The following SGMS2 variants were observed in gnomAD, a reference collection of about 807,000 sequenced individuals.
The protein encoded by SGMS2 is sphingomyelin synthase 2.
A neutral mutation model predicts 43.8 loss-of-function variants in SGMS2; 21 were observed. The ratio of observed to expected loss-of-function variants is 0.48; its 90% CI spans 0.34 to 0.69. SGMS2 has a LOEUF of 0.69. Ranked by LOEUF, SGMS2 falls within the 30% of genes least tolerant of loss-of-function variation. SGMS2 has a pLI of 0.01. For synonymous variants in SGMS2, 167 were observed against 160.6 expected, an observed-to-expected ratio of 1.04 and a Z score of -0.30; for missense variants, 384 against 443.2, an observed-to-expected ratio of 0.87 and a Z score of 1.20.
intron 2 of SGMS2, among the ~76,000 whole-genome samples, chr4:107,860,431 A>G (rs1727659550): frequency 6.6e-6 from 1 of 152,170 alleles, no homozygotes. Flanking sequence ...TGTAGACAAT[A>G]TATCTATATA....
At chr4:107,875,741 ATTGT>A (rs1294814058) in intron 2 of SGMS2, among the ~76,000 whole-genome samples, 3 of 152,224 alleles carry the variant, frequency 2.0e-5, no homozygotes, top group Non-Finnish European at 4.4e-5. Flanking sequence ...AATGGTCTAC[ATTGT>A]TTATTACTTC....
intron 5 of SGMS2, 72 bp from the exon 6 acceptor site, chr4:107,908,493 G>A (rs534849113): frequency 2.0e-5 from 29 of 1,463,730 alleles, no homozygotes; most frequent in South Asian, 7.6e-5. Flanking sequence ...ACTTAAGGTC[G>A]TTAGGACAGA....
chr4:107,891,639 A>G (rs750171955), intron 2 of SGMS2, among the ~76,000 whole-genome samples: 17 of 152,140 alleles, frequency 1.1e-4, no homozygotes, highest in Non-Finnish European at 1.9e-4. Flanking sequence ...AGGGGTCCCA[A>G]ATGGGTTTCT....
chr4:107,838,501 T>G (rs1461450754), intron 1 of SGMS2, among the ~76,000 whole-genome samples: 1 of 152,188 alleles, frequency 6.6e-6, no homozygotes, highest in African/African-American at 2.4e-5. Context: ...TACAGGAAGT[T>G]ACAAAGATGA....
chr4:107,864,979 C>T (rs1204769407), intron 2 of SGMS2, among the ~76,000 whole-genome samples: 1 of 152,106 alleles, frequency 6.6e-6, no homozygotes, highest in East Asian at 1.9e-4. Flanking sequence ...CTCTATCTTT[C>T]ATCAGGTATC....
rs374321993 is a variant in SGMS2 at position 107,845,742 on chromosome 4, A to G, written c.-326-12730A>G. On this transcript the variant is annotated intron_variant, in intron 1 of 6. Transcript: ENST00000690982. Reference sequence around the variant, plus strand: ...TTAGGCATTGTTTTGTCAGGGCACAATTTTGCAGATGCACATTAAGGATTT... The same window carrying G: ...TTAGGCATTGTTTTGTCAGGGCACAGTTTTGCAGATGCACATTAAGGATTT... Among the ~76,000 whole-genome samples, 6 of 152,162 alleles carry G rather than the reference A, an allele frequency of 3.9e-5. No individual in the cohort carries two copies. The South Asian group carries it at 8.3e-4, about 21-fold the overall frequency.
intron 1 of SGMS2, among the ~76,000 whole-genome samples, chr4:107,838,270 T>C (rs1002700079): frequency 6.6e-6 from 1 of 152,118 alleles, no homozygotes; most frequent in Non-Finnish European, 1.5e-5. Flanking sequence ...GAGAACACAA[T>C]GTTTGTTGGG....
intron 2 of SGMS2, among the ~76,000 whole-genome samples, chr4:107,882,395 A>G (rs1322113318): frequency 2.0e-5 from 3 of 152,270 alleles, no homozygotes; most frequent in East Asian, 1.9e-4. Context: ...GCTGTTTGCC[A>G]TCTGTCTGTC....
chr4:107,866,259 A>G (rs1728106745), intron 2 of SGMS2, among the ~76,000 whole-genome samples: 1 of 152,174 alleles, frequency 6.6e-6, no homozygotes, highest in African/African-American at 2.4e-5. Flanking sequence ...CTAAATAAAA[A>G]TACCAAGTTA....
intron 1 of SGMS2, among the ~76,000 whole-genome samples, chr4:107,834,196 C>G (rs1027015496): frequency 6.6e-6 from 1 of 152,230 alleles, no homozygotes; most frequent in Admixed American, 6.5e-5. Flanking sequence ...GCTGCCTGAT[C>G]TCATGATTTA....
At chr4:107,845,991 CTT>C (rs1225342570) in intron 1 of SGMS2, among the ~76,000 whole-genome samples, 1 of 152,044 alleles carries the variant, frequency 6.6e-6, no homozygotes, top group Non-Finnish European at 1.5e-5. Context: ...TTAGAATGCT[CTT>C]TACTTTTAGA....
chr4:107,854,186 A>G (rs184024777), intron 1 of SGMS2, among the ~76,000 whole-genome samples: 2 of 152,360 alleles, frequency 1.3e-5, no homozygotes, highest in East Asian at 1.9e-4. Flanking sequence ...GCTTAGTCAC[A>G]GGACTGTGTA....
At chr4:107,856,446 C>T (rs890164605) in intron 1 of SGMS2, among the ~76,000 whole-genome samples, 11 of 152,170 alleles carry the variant, frequency 7.2e-5, no homozygotes, top group African/African-American at 2.4e-4. Flanking sequence ...GGCTACGTAA[C>T]TGAATAAAAT....
intron 3 of SGMS2, among the ~76,000 whole-genome samples, chr4:107,897,773 T>C (rs1730799145): frequency 6.6e-6 from 1 of 152,224 alleles, no homozygotes; most frequent in Non-Finnish European, 1.5e-5. Flanking sequence ...TAGAATTGGA[T>C]CTTACATTTT....
chr4:107,857,531 G>GAT (rs112123351), intron 1 of SGMS2, among the ~76,000 whole-genome samples: 44,715 of 144,692 alleles, frequency 0.31, 7,427 homozygotes, highest in Non-Finnish European at 0.41. Flanking sequence ...GTAGTTAAAA[G>GAT]ATATATATAT....
chr4:107,898,528 A>G (rs979751410), intron 3 of SGMS2, among the ~76,000 whole-genome samples: 1 of 23,326 alleles, frequency 4.3e-5, no homozygotes, highest in Admixed American at 1.4e-3. Flanking sequence ...CTAGAGTAAT[A>G]TGTTTTATGC....
At chr4:107,896,977 G>A (rs1055846243) in intron 3 of SGMS2, among the ~76,000 whole-genome samples, 1 of 152,128 alleles carries the variant, frequency 6.6e-6, no homozygotes, top group Non-Finnish European at 1.5e-5. Context: ...ATGCTAACTT[G>A]GATACAATCT....
chr4:107,864,101 A>G (rs1357877887), intron 2 of SGMS2: 1 of 152,256 alleles, frequency 6.6e-6, no homozygotes, highest in African/African-American at 2.4e-5. Flanking sequence ...GCTGGGCTGA[A>G]GAGATGTGTA....
At chr4:107,856,053 G>C (rs1727410406) in intron 1 of SGMS2, among the ~76,000 whole-genome samples, 1 of 152,110 alleles carries the variant, frequency 6.6e-6, no homozygotes, top group Non-Finnish European at 1.5e-5. Flanking sequence ...CCGGGAGCAG[G>C]TAGAACAATA....
Sources: gnomAD v4.1 joint callset for allele counts (sites outside exome capture counted in the v4.1 genomes callset) on GRCh38, gnomAD v4.1.1 for gene constraint, MANE v1.5 for transcripts, NCBI Gene and HGNC (gene_info 2026-07-23, HGNC 2026-07-21) for gene names.